Variants in NLK observed in about 807,000 individuals in gnomAD.
NLK encodes serine/threonine-protein kinase NLK.
In NLK, 11 loss-of-function variants were observed where a neutral mutation model predicts 59.0. The ratio of observed to expected loss-of-function variants is 0.19; its 90% CI spans 0.12 to 0.31. The LOEUF is 0.31. Among genes scored for constraint, NLK ranks in the 10% least tolerant of loss-of-function variants. The pLI, the probability that NLK is intolerant of heterozygous loss-of-function variation, is 1.00. For synonymous variants in NLK, 235 were observed against 235.9 expected (o/e 1.00, Z 0.03); for missense variants, 410 against 661.1 (o/e 0.62, Z 4.16).
chr17:28,104,710 A>G (rs1319673680), intron 1 of NLK, among the ~76,000 whole-genome samples: 1 of 152,112 alleles, frequency 6.6e-6, no homozygotes, highest in Non-Finnish European at 1.5e-5. Context: ...CAAGAGATTA[A>G]AAAATGAGGA....
chr17:28,076,423 C>T (rs1458998541), intron 1 of NLK, among the ~76,000 whole-genome samples: 1 of 152,118 alleles, frequency 6.6e-6, no homozygotes, highest in Non-Finnish European at 1.5e-5. Flanking sequence ...CGGCACTAAT[C>T]CCATTCATGA....
chr17:28,136,098 G>T (rs1371782948), intron 3 of NLK, among the ~76,000 whole-genome samples: 1 of 152,140 alleles, frequency 6.6e-6, no homozygotes, highest in African/African-American at 2.4e-5. Context: ...AGATGTTTAA[G>T]TAAAGAGCCT....
intron 7 of NLK, among the ~76,000 whole-genome samples, chr17:28,178,006 G>A (rs762189727): frequency 3.9e-5 from 6 of 152,100 alleles, no homozygotes; most frequent in Admixed American, 1.3e-4. Flanking sequence ...TCCCTTAATC[G>A]GGAAAGCAAA....
intron 3 of NLK, among the ~76,000 whole-genome samples, chr17:28,159,044 A>G (rs1027159212): frequency 2.0e-5 from 3 of 152,206 alleles, no homozygotes; most frequent in Non-Finnish European, 4.4e-5. Flanking sequence ...CATTTGAAAG[A>G]TAAAATTTGA....
chr17:28,067,758 G>A (rs2064725201), intron 1 of NLK, among the ~76,000 whole-genome samples: 1 of 151,612 alleles, frequency 6.6e-6, no homozygotes, highest in Admixed American at 6.6e-5. Flanking sequence ...TTGCTCTTTT[G>A]GGATTTCAAC....
intron 1 of NLK, among the ~76,000 whole-genome samples, chr17:28,106,896 CAT>C (rs1415378767): frequency 6.6e-6 from 1 of 152,032 alleles, no homozygotes; most frequent in African/African-American, 2.4e-5. Flanking sequence ...AAAAATAGAG[CAT>C]ATATAATGTA....
At chr17:28,184,600 AT>A (rs1909043553) in intron 7 of NLK, among the ~76,000 whole-genome samples, 1 of 152,108 alleles carries the variant, frequency 6.6e-6, no homozygotes, top group Admixed American at 6.5e-5. Context: ...ATTCGTTTTC[AT>A]TTTTTTATAG....
At chr17:28,202,974 G>A in the NLK span, among the ~76,000 whole-genome samples, 2 of 151,766 alleles carry the variant, frequency 1.3e-5, no homozygotes, top group African/African-American at 2.4e-5. Flanking sequence ...AAGCCACTGC[G>A]CCCGGCCATT....
At chr17:28,197,460 T>A (rs1336601332), downstream of NLK, among the ~76,000 whole-genome samples, 1 of 149,172 alleles carries the variant, frequency 6.7e-6, no homozygotes, top group Non-Finnish European at 1.5e-5. Flanking sequence ...CAGAGTGAGA[T>A]TCTGTCTCAA....
At chr17:28,130,914 T>G (rs963956266) in intron 2 of NLK, among the ~76,000 whole-genome samples, 1 of 152,116 alleles carries the variant, frequency 6.6e-6, no homozygotes, top group Non-Finnish European at 1.5e-5. Context: ...AATGCATCTG[T>G]CATATGAAAA....
intron 1 of NLK, among the ~76,000 whole-genome samples, chr17:28,107,990 T>G (rs1054094116): frequency 2.6e-5 from 4 of 152,186 alleles, no homozygotes; most frequent in Non-Finnish European, 5.9e-5. Context: ...TCCCAGCACT[T>G]TGGGAGGCCA....
intron 3 of NLK, among the ~76,000 whole-genome samples, chr17:28,152,510 T>C (rs1260626584): frequency 6.6e-6 from 1 of 152,176 alleles, no homozygotes; most frequent in Non-Finnish European, 1.5e-5. Context: ...TGAAGCAGAA[T>C]AGAATATAAC....
At chr17:28,148,762 T>C (rs1166381852) in intron 3 of NLK, among the ~76,000 whole-genome samples, 1 of 151,878 alleles carries the variant, frequency 6.6e-6, no homozygotes, top group Non-Finnish European at 1.5e-5. Context: ...AAATGTGGGA[T>C]TATTTCTTAT....
chr17:28,051,440 C>T (rs1202893787), intron 1 of NLK, among the ~76,000 whole-genome samples: 2 of 151,512 alleles, frequency 1.3e-5, no homozygotes, highest in African/African-American at 4.9e-5. Context: ...GCTCATGCAG[C>T]CTCCACCTCC....
intron 1 of NLK, among the ~76,000 whole-genome samples, chr17:28,120,973 CGTT>C (rs1361141054): frequency 2.0e-5 from 3 of 152,162 alleles, no homozygotes; most frequent in African/African-American, 7.2e-5. Context: ...ATGTCAGTCT[CGTT>C]GATGATTTCT....
rs1430838997 is a variant in NLK, at chr17:28,110,641, C to G, written c.459-11962C>G. On this transcript the variant is annotated intron_variant, in intron 1 of 10. Transcript: ENST00000407008. ...CCCATTGCATGCATGTTGGTACCCT[C>G]AGTGTTACTGCATAGGTCTCTGAGG... 3.9e-5 allele frequency among the ~76,000 whole-genome samples: 6 copies of G among 152,086 alleles called. No individual in the cohort carries two copies. The South Asian group carries it at 1.2e-3, about 32-fold the overall frequency.
intron 9 of NLK, among the ~76,000 whole-genome samples, chr17:28,191,588 C>G (rs1909309571): frequency 6.6e-6 from 1 of 152,068 alleles, no homozygotes; most frequent in Non-Finnish European, 1.5e-5. Flanking sequence ...TGGACGATGA[C>G]AAGAGAAGGG....
At chr17:28,130,991 C>T (rs1236951590) in intron 2 of NLK, among the ~76,000 whole-genome samples, 2 of 152,010 alleles carry the variant, frequency 1.3e-5, no homozygotes, top group African/African-American at 2.4e-5. Flanking sequence ...TAAATATAAA[C>T]ATTTTAATTC....
At chr17:28,161,734 C>T (rs1021795707) in intron 4 of NLK, among the ~76,000 whole-genome samples, 4 of 152,088 alleles carry the variant, frequency 2.6e-5, no homozygotes, top group African/African-American at 9.7e-5. Flanking sequence ...CCCTTAAAAC[C>T]AAAGTAGATT....
Sources: gnomAD v4.1 joint callset for allele counts (sites outside exome capture counted in the v4.1 genomes callset) on GRCh38, gnomAD v4.1.1 for gene constraint, MANE v1.5 for transcripts, NCBI Gene and HGNC (gene_info 2026-07-23, HGNC 2026-07-21) for gene names.